WWC1: variants seen among roughly 807,000 people sequenced by gnomAD.
WWC1 encodes protein KIBRA.
A neutral mutation model predicts 138.4 loss-of-function variants in WWC1; 55 were observed. The observed-to-expected ratio is 0.40, with a 90% confidence interval of 0.32 to 0.50. WWC1 has a LOEUF of 0.50. Ranked by LOEUF, WWC1 falls within the 20% of genes least tolerant of loss-of-function variation. WWC1 has a pLI of 0.72. For synonymous variants in WWC1, 524 were observed against 564.9 expected (o/e 0.93, Z 1.03); for missense variants, 1,226 against 1,420.4 (o/e 0.86, Z 2.20).
intron 1 of WWC1, among the ~76,000 whole-genome samples, chr5:168,317,036 C>T (rs1427366365): frequency 6.6e-6 from 1 of 152,162 alleles, no homozygotes; most frequent in Non-Finnish European, 1.5e-5. Context: ...CCTCACCCGG[C>T]AGTAGTGATA....
At chr5:168,302,600 G>T (rs552644521) in intron 1 of WWC1, among the ~76,000 whole-genome samples, 5 of 152,038 alleles carry the variant, frequency 3.3e-5, no homozygotes, top group African/African-American at 1.2e-4. Context: ...TGGGCTAATT[G>T]CTGGGAGTGC....
chr5:168,321,481 A>G (rs969004343), intron 1 of WWC1, among the ~76,000 whole-genome samples: 2 of 150,098 alleles, frequency 1.3e-5, no homozygotes, highest in African/African-American at 4.9e-5. Flanking sequence ...TCATTCTCCA[A>G]CTCCCTGAAG....
intron 3 of WWC1, among the ~76,000 whole-genome samples, chr5:168,394,590 G>T (rs1360588085): frequency 6.6e-6 from 1 of 152,200 alleles, no homozygotes; most frequent in Non-Finnish European, 1.5e-5. Context: ...GCTGGGCGTG[G>T]TGGCAGGTGC....
intron 15 of WWC1, among the ~76,000 whole-genome samples, chr5:168,433,793 C>T (rs1259685326): frequency 6.6e-6 from 1 of 152,238 alleles, no homozygotes; most frequent in African/African-American, 2.4e-5. Context: ...CTGTCTCCAC[C>T]TCCCAAAGTT....
intron 1 of WWC1, among the ~76,000 whole-genome samples, chr5:168,353,560 A>G (rs865913590): frequency 9.9e-5 from 15 of 152,120 alleles, no homozygotes; most frequent in Non-Finnish European, 2.2e-4. Context: ...TCTCAACCCC[A>G]AAGAGTTAGA....
chr5:168,432,035 A>G (rs1781988628), intron 15 of WWC1, among the ~76,000 whole-genome samples: 1 of 142,618 alleles, frequency 7.0e-6, no homozygotes, highest in African/African-American at 2.8e-5. Flanking sequence ...GGGCAACAGC[A>G]GAACCCTGTG....
At chr5:168,337,527 C>CCAAAATGT (rs1773594277) in intron 1 of WWC1, among the ~76,000 whole-genome samples, 2 of 152,142 alleles carry the variant, frequency 1.3e-5, no homozygotes, top group South Asian at 4.1e-4. Flanking sequence ...ATCATCCTGC[C>CCAAAATGT]CAAAATGTCA....
chr5:168,307,497 CTT>C (rs1424928647), intron 1 of WWC1, among the ~76,000 whole-genome samples: 4 of 151,692 alleles, frequency 2.6e-5, no homozygotes, highest in Non-Finnish European at 5.9e-5. Context: ...TGAGTGAGCT[CTT>C]TTTCTGAGTA....
intron 17 of WWC1, among the ~76,000 whole-genome samples, chr5:168,450,164 G>A (rs955504343): frequency 6.6e-6 from 1 of 152,172 alleles, no homozygotes; most frequent in African/African-American, 2.4e-5. Context: ...GGGCAGTTCT[G>A]TATGTCTTTC....
chr5:168,296,832 C>T (rs1395934536), intron 1 of WWC1, among the ~76,000 whole-genome samples: 1 of 152,204 alleles, frequency 6.6e-6, no homozygotes, highest in Non-Finnish European at 1.5e-5. Flanking sequence ...ACCACTGCCT[C>T]ATTTTACTTC....
intron 1 of WWC1, among the ~76,000 whole-genome samples, chr5:168,341,167 C>T (rs766299668): frequency 4.6e-5 from 7 of 152,082 alleles, no homozygotes; most frequent in Non-Finnish European, 7.4e-5. Flanking sequence ...GGATTACAGT[C>T]GAGAGTTGCA....
intron 1 of WWC1, among the ~76,000 whole-genome samples, chr5:168,339,837 T>TTTTC (rs1471644093): frequency 8.4e-6 from 1 of 119,108 alleles, no homozygotes; most frequent in Non-Finnish European, 1.6e-5. Flanking sequence ...TTTCTTTTTC[T>TTTTC]TTTCTTTCTT....
At chr5:168,376,463 C>T (rs1354823506) in intron 2 of WWC1, among the ~76,000 whole-genome samples, 1 of 152,012 alleles carries the variant, frequency 6.6e-6, no homozygotes, top group Admixed American at 6.6e-5. Context: ...TAGAAGATAC[C>T]CAAATAGGAA....
At chr5:168,429,852 C>A (rs371049455) in intron 13 of WWC1, among the ~76,000 whole-genome samples, 7 of 152,182 alleles carry the variant, frequency 4.6e-5, no homozygotes, top group Admixed American at 4.6e-4. Flanking sequence ...GGAGGATCAC[C>A]TGAGCCTGGG....
At chr5:168,390,726 C>A (rs1027096557) in intron 3 of WWC1, among the ~76,000 whole-genome samples, 6 of 152,256 alleles carry the variant, frequency 3.9e-5, no homozygotes, top group African/African-American at 1.4e-4. Context: ...GCCACCTGGC[C>A]TTGGCTGCTC....
intron 1 of WWC1, among the ~76,000 whole-genome samples, chr5:168,315,932 G>A (rs980024145): frequency 1.3e-5 from 2 of 152,166 alleles, no homozygotes; most frequent in Admixed American, 6.5e-5. Flanking sequence ...TGTAAGCTCA[G>A]ATCCCTGTCT....
chr5:168,355,494 CAAAAAAAAAA>C (rs564674062), intron 1 of WWC1, among the ~76,000 whole-genome samples: 3 of 66,528 alleles, frequency 4.5e-5, no homozygotes, highest in African/African-American at 1.8e-4. Context: ...GACTCCGTCT[CAAAAAAAAAA>C]AAAAAAAAAA....
chr5:168,353,379 A>G (rs1413107398), intron 1 of WWC1, among the ~76,000 whole-genome samples: 4 of 152,166 alleles, frequency 2.6e-5, no homozygotes, highest in Non-Finnish European at 1.5e-5. Flanking sequence ...TGCCCTTTGC[A>G]TGTGAAGTTC....
Position 168,469,201 on chromosome 5 carries a change from C to A in WWC1, c.*184C>A. The A allele has an allele frequency of 8.8e-6, 5 of 570,762 alleles. No homozygotes were observed. The highest frequency in any genetic ancestry group is 5.0e-5 in the South Asian group (2 of 40,386). 35.4% of individuals were successfully genotyped at this position (570,762 alleles called of 1,614,324 possible). ...GTTGTTATTAAAAACAGAACAAAAA[C>A]AAAACACACACACACACAAAAACAG... is the stretch of plus-strand genomic sequence containing the variant. On this transcript the variant is annotated 3_prime_UTR_variant, in exon 23 of 23. Coordinates refer to ENST00000265293, the MANE Select transcript of WWC1 (RefSeq NM_015238.3).
Sources: allele counts gnomAD v4.1 joint callset (sites outside exome capture counted in the v4.1 genomes callset), GRCh38; gene constraint gnomAD v4.1.1; transcripts MANE v1.5; gene names NCBI Gene and HGNC (gene_info 2026-07-23, HGNC 2026-07-21).